EHD4: variants seen among roughly 807,000 people sequenced by gnomAD.
EHD4 encodes EH domain-containing protein 4.
A neutral mutation model predicts 51.0 loss-of-function variants in EHD4; 37 were observed. The observed-to-expected ratio is 0.73, with a 90% CI of 0.56 to 0.95. EHD4 has a LOEUF of 0.95. Ranked by LOEUF, EHD4 falls within the 40% of genes least tolerant of loss-of-function variation. EHD4 has a pLI of 0.00. For missense variants in EHD4, 632 were observed against 733.1 expected (o/e 0.86, Z 1.59); for synonymous variants, 297 against 317.3 (o/e 0.94, Z 0.68).
chr15:41,968,167 C>T (rs1235003074), intron 1 of EHD4, among the ~76,000 whole-genome samples: 1 of 152,292 alleles, frequency 6.6e-6, no homozygotes, highest in East Asian at 1.9e-4. Flanking sequence ...ACCTTCTCAG[C>T]CCACTCCAGC....
At chr15:41,935,137 T>C (rs768261583) in intron 3 of EHD4, among the ~76,000 whole-genome samples, 1 of 152,176 alleles carries the variant, frequency 6.6e-6, no homozygotes, top group Non-Finnish European at 1.5e-5. Flanking sequence ...GCTGAAGAGC[T>C]CTTCCCCCAA....
chr15:41,947,905 G>A (rs573795350), intron 2 of EHD4, among the ~76,000 whole-genome samples: 1 of 152,314 alleles, frequency 6.6e-6, no homozygotes, highest in Non-Finnish European at 1.5e-5. Flanking sequence ...CTGACCCCAG[G>A]GAGAAAGGCA....
intron 4 of EHD4, among the ~76,000 whole-genome samples, chr15:41,912,247 G>A (rs1303136796): frequency 6.6e-6 from 1 of 152,108 alleles, no homozygotes; most frequent in Admixed American, 6.5e-5. Context: ...AGCTGCTCTC[G>A]GTCCCAGCCT....
chr15:41,972,200 G>C (rs906247107), intron 1 of EHD4, 59 bp downstream of exon 1: 1 of 1,321,064 alleles, frequency 7.6e-7, no homozygotes, highest in South Asian at 2.5e-5. Context: ...GGCCGACTGC[G>C]GCGCACACGT....
intron 1 of EHD4, among the ~76,000 whole-genome samples, chr15:41,965,336 T>C (rs546752527): frequency 6.6e-6 from 1 of 152,350 alleles, no homozygotes; most frequent in Non-Finnish European, 1.5e-5. Context: ...TTAAATTATA[T>C]TTACACAATC....
chr15:41,947,696 G>A (rs1029650046), intron 2 of EHD4, among the ~76,000 whole-genome samples: 8 of 152,296 alleles, frequency 5.3e-5, no homozygotes, highest in African/African-American at 1.9e-4. Context: ...GGAAGAACTA[G>A]GAACTGAATT....
chr15:41,926,927 C>A (rs1042108642), intron 3 of EHD4, among the ~76,000 whole-genome samples: 2 of 152,232 alleles, frequency 1.3e-5, no homozygotes, highest in Non-Finnish European at 2.9e-5. Flanking sequence ...CCTTCCCCCA[C>A]CCAGTGGAAC....
chr15:41,953,852 C>A lies in EHD4; in HGVS notation c.325G>T (p.Glu109Ter). The stretch of plus-strand genomic sequence containing the variant: ...AAAGCATTCCCTGGGGTGCTGCCCT[C>A]AGTCTCTCCATACATCACGGCGATG... ...SFIAVMYGET[E>*]GSTPGNALVV... Residue 109 changes from glutamate to a stop codon, truncating the protein, a stop_gained, in exon 2 of 6, where the codon GAG (glutamate) becomes TAG (stop). Transcript: ENST00000220325. LOFTEE classifies it high-confidence loss of function. 6.2e-7 allele frequency: 1 copy of A among 1,614,108 alleles called. No individual in the cohort carries two copies.
intron 5 of EHD4, among the ~76,000 whole-genome samples, chr15:41,904,628 T>C (rs2067500735): frequency 6.6e-6 from 1 of 152,220 alleles, no homozygotes; most frequent in African/African-American, 2.4e-5. Flanking sequence ...CCCTTGCCCA[T>C]TAATTGCCAA....
chr15:41,902,822 T>A (rs1368172333), intron 5 of EHD4, among the ~76,000 whole-genome samples: 1 of 123,238 alleles, frequency 8.1e-6, no homozygotes, highest in Non-Finnish European at 1.7e-5. Flanking sequence ...TATATATGTA[T>A]GTATATATAT....
chr15:41,962,616 A>G (rs2067931848), intron 1 of EHD4, among the ~76,000 whole-genome samples: 1 of 151,618 alleles, frequency 6.6e-6, no homozygotes, highest in African/African-American at 2.4e-5. Context: ...TTAAATATTT[A>G]AAAAGTAATC....
At chr15:41,901,837 G>C (rs961027659) in intron 5 of EHD4, among the ~76,000 whole-genome samples, 1 of 152,172 alleles carries the variant, frequency 6.6e-6, no homozygotes, top group African/African-American at 2.4e-5. Flanking sequence ...CACCAAGTAC[G>C]GCCTGACCAG....
At chr15:41,960,498 G>A (rs974332333) in intron 1 of EHD4, among the ~76,000 whole-genome samples, 9 of 151,928 alleles carry the variant, frequency 5.9e-5, no homozygotes, top group South Asian at 2.1e-4. Context: ...ACTATTCTAA[G>A]TTGAATATGT....
chr15:41,909,994 G>C, intron 4 of EHD4, 131 bp from the exon 5 acceptor site: 1 of 1,193,276 alleles, frequency 8.4e-7, no homozygotes, highest in Non-Finnish European at 1.2e-6. Flanking sequence ...AAGGACAGGA[G>C]GAGGGGAGGG....
chr15:41,945,818 T>C (rs1363257454), intron 2 of EHD4, among the ~76,000 whole-genome samples: 1 of 152,246 alleles, frequency 6.6e-6, no homozygotes, highest in Non-Finnish European at 1.5e-5. Context: ...ATAACAGCAG[T>C]GCAGTGGTAG....
chr15:41,938,984 T>G (rs1021978967), intron 3 of EHD4, among the ~76,000 whole-genome samples: 6 of 152,198 alleles, frequency 3.9e-5, no homozygotes, highest in Non-Finnish European at 7.3e-5. Context: ...TCAATAGTAT[T>G]CTAGGAAACA....
intron 4 of EHD4, among the ~76,000 whole-genome samples, chr15:41,911,967 C>T (rs74692505): frequency 0.025 from 3,803 of 152,266 alleles, 168 homozygotes; most frequent in African/African-American, 0.088. Flanking sequence ...CACACTGTTC[C>T]TGAACACTCC....
chr15:41,964,770 A>AT (rs201079021), intron 1 of EHD4, among the ~76,000 whole-genome samples: 60,206 of 141,076 alleles, frequency 0.43, 13,955 homozygotes, highest in Non-Finnish European at 0.55. Context: ...AAAAAAAAAA[A>AT]AAATATATAT....
chr15:41,915,547 G>A (rs967384677), intron 4 of EHD4, among the ~76,000 whole-genome samples: 1 of 152,130 alleles, frequency 6.6e-6, no homozygotes, highest in Non-Finnish European at 1.5e-5. Context: ...CATTTTTGTT[G>A]AGCAAAGATC....
Sources: gnomAD v4.1 joint callset for allele counts (sites outside exome capture counted in the v4.1 genomes callset) on GRCh38, gnomAD v4.1.1 for gene constraint, MANE v1.5 for transcripts, NCBI Gene and HGNC (gene_info 2026-07-23, HGNC 2026-07-21) for gene names.